The following GRID2 variants were observed in gnomAD, a reference collection of about 807,000 sequenced individuals.
GRID2 encodes the protein glutamate receptor ionotropic, delta-2.
GRID2 carries 33 observed loss-of-function variants against 114.8 expected under a neutral mutation model. The observed-to-expected ratio is 0.29, with a 90% CI of 0.22 to 0.38. The LOEUF (loss-of-function observed/expected upper bound fraction) is 0.38. Among genes scored for constraint, GRID2 ranks in the 10% least tolerant of loss-of-function variants. The pLI, the probability that GRID2 is intolerant of heterozygous loss-of-function variation, is 1.00. For synonymous variants in GRID2, 505 were observed against 449.9 expected, an observed-to-expected ratio of 1.12 and a Z score of -1.55; for missense variants, 1,184 against 1,257.7, an observed-to-expected ratio of 0.94 and a Z score of 0.89.
intron 4 of GRID2, among the ~76,000 whole-genome samples, chr4:93,139,300 G>A (rs1735547206): frequency 6.6e-6 from 1 of 152,126 alleles, no homozygotes; most frequent in African/African-American, 2.4e-5. Flanking sequence ...GAGGATCAGT[G>A]ACCACAGGAC....
intron 2 of GRID2, among the ~76,000 whole-genome samples, chr4:92,907,499 C>T (rs758619743): frequency 6.6e-6 from 1 of 152,106 alleles, no homozygotes; most frequent in Non-Finnish European, 1.5e-5. Flanking sequence ...TCAACCTCCA[C>T]CTTCCAGGTT....
chr4:92,438,578 CTGTGTGTGTGTG>C (rs34304139), intron 1 of GRID2, among the ~76,000 whole-genome samples: 33 of 146,914 alleles, frequency 2.2e-4, no homozygotes, highest in South Asian at 8.7e-4. Flanking sequence ...AGTTTACCTT[CTGTGTGTGTGTG>C]TGTGTGTGTG....
intron 14 of GRID2, among the ~76,000 whole-genome samples, chr4:93,646,445 A>C (rs28622200): frequency 0.28 from 42,843 of 151,866 alleles, 8,658 homozygotes; most frequent in African/African-American, 0.58. Context: ...GAGGGAACAA[A>C]CAAGGCAGTC....
chr4:93,784,751 T>A (rs960151290), intron 1 of GRID2, among the ~76,000 whole-genome samples: 1 of 151,924 alleles, frequency 6.6e-6, no homozygotes, highest in South Asian at 2.1e-4. Context: ...TATACCTAAC[T>A]GTGACATAAG....
chr4:93,594,336 G>A (rs1477738255), intron 13 of GRID2, among the ~76,000 whole-genome samples: 2 of 152,158 alleles, frequency 1.3e-5, no homozygotes, highest in Non-Finnish European at 2.9e-5. Flanking sequence ...GTGTGCCCCT[G>A]CTGGAGGGTG....
intron 13 of GRID2, among the ~76,000 whole-genome samples, chr4:93,516,445 G>A (rs551188815): frequency 6.6e-6 from 1 of 152,196 alleles, no homozygotes; most frequent in South Asian, 2.1e-4. Context: ...CTGAGAGCTG[G>A]TGATGCTAAC....
chr4:93,514,550 CCA>C (rs1257966566), intron 12 of GRID2, among the ~76,000 whole-genome samples: 2 of 151,480 alleles, frequency 1.3e-5, no homozygotes, highest in Non-Finnish European at 2.9e-5. Context: ...CTGGACAGAC[CCA>C]CATTTGAATT....
intron 14 of GRID2, among the ~76,000 whole-genome samples, chr4:93,632,476 C>T (rs1260834380): frequency 6.6e-6 from 1 of 152,144 alleles, no homozygotes; most frequent in African/African-American, 2.4e-5. Context: ...AATAGGGAAT[C>T]CTTTCCCCAT....
At chr4:93,508,029 G>C (rs1728801811) in intron 12 of GRID2, among the ~76,000 whole-genome samples, 1 of 151,972 alleles carries the variant, frequency 6.6e-6, no homozygotes, top group African/African-American at 2.4e-5. Context: ...AATTGGGAGG[G>C]ATAGCATTAG....
At chr4:92,391,258 C>T (rs1730224681) in intron 1 of GRID2, among the ~76,000 whole-genome samples, 1 of 151,992 alleles carries the variant, frequency 6.6e-6, no homozygotes, top group African/African-American at 2.4e-5. Context: ...GGTATGAGCT[C>T]TGTAGTTAAA....
At chr4:93,271,054 C>T (rs1338376853) in intron 8 of GRID2, among the ~76,000 whole-genome samples, 3 of 152,150 alleles carry the variant, frequency 2.0e-5, no homozygotes, top group South Asian at 4.1e-4. Context: ...ATTGAGGCTA[C>T]ATTATATGAT....
At chr4:93,183,032 T>C (rs953281484) in intron 4 of GRID2, among the ~76,000 whole-genome samples, 3 of 152,222 alleles carry the variant, frequency 2.0e-5, no homozygotes, top group African/African-American at 7.2e-5. Context: ...ATATCTGGCA[T>C]TCACAGGTTC....
intron 1 of GRID2, among the ~76,000 whole-genome samples, chr4:92,459,715 G>T (rs1721385479): frequency 6.6e-6 from 1 of 151,816 alleles, no homozygotes; most frequent in South Asian, 2.1e-4. Context: ...ATCAAGCCTG[G>T]CTATGTCAAG....
At chr4:93,144,472 A>C (rs28392586) in intron 4 of GRID2, among the ~76,000 whole-genome samples, 72,528 of 152,042 alleles carry the variant, frequency 0.48, 17,783 homozygotes, top group Admixed American at 0.62. Flanking sequence ...AAATAACTGC[A>C]GTCCATAAGG....
At chr4:92,711,194 A>T (rs142208577) in intron 2 of GRID2, among the ~76,000 whole-genome samples, 2 of 152,140 alleles carry the variant, frequency 1.3e-5, no homozygotes, top group East Asian at 3.9e-4. Flanking sequence ...AAAATGAAGT[A>T]TGTATTCAGA....
chr4:92,338,832 A>G (rs1727326210), intron 1 of GRID2, among the ~76,000 whole-genome samples: 1 of 152,110 alleles, frequency 6.6e-6, no homozygotes, highest in African/African-American at 2.4e-5. Context: ...TGACTCCTAA[A>G]ACATAAATCT....
At chr4:92,839,823 C>A (rs1163524614) in intron 2 of GRID2, among the ~76,000 whole-genome samples, 1 of 151,982 alleles carries the variant, frequency 6.6e-6, no homozygotes, top group Non-Finnish European at 1.5e-5. Context: ...CTGTAAATAT[C>A]TATTAGATCC....
intron 2 of GRID2, among the ~76,000 whole-genome samples, chr4:93,082,380 G>T (rs560906806): frequency 6.6e-6 from 1 of 152,260 alleles, no homozygotes; most frequent in East Asian, 1.9e-4. Flanking sequence ...AGAGAGCTGG[G>T]TCATCTATTT....
intron 11 of GRID2, among the ~76,000 whole-genome samples, chr4:93,466,612 G>A (rs919360240): frequency 3.9e-5 from 6 of 152,086 alleles, no homozygotes; most frequent in Admixed American, 1.3e-4. Flanking sequence ...AGTAACTCCC[G>A]AGTGTTGCCA....
Sources: allele counts gnomAD v4.1 joint callset (sites outside exome capture counted in the v4.1 genomes callset), GRCh38; gene constraint gnomAD v4.1.1; transcripts MANE v1.5; gene names NCBI Gene and HGNC (gene_info 2026-07-23, HGNC 2026-07-21).